Variants in KCNK2 observed in about 807,000 individuals in gnomAD.
The protein encoded by KCNK2 is potassium channel subfamily K member 2.
Under a neutral mutation model 40.5 loss-of-function variants are expected in KCNK2, and 21 were observed. That is an observed-to-expected ratio of 0.52 (90% confidence interval 0.37 to 0.75). KCNK2 has a LOEUF of 0.75. KCNK2 is among the 30% of genes least tolerant of loss of function. The pLI, the probability that KCNK2 is intolerant of heterozygous loss-of-function variation, is 0.00. For synonymous variants in KCNK2, 191 were observed against 202.2 expected (o/e 0.94, Z 0.47); for missense variants, 399 against 531.6 (o/e 0.75, Z 2.45).
At chr1:215,152,030 G>A (rs1188726001) in intron 3 of KCNK2, among the ~76,000 whole-genome samples, 2 of 152,032 alleles carry the variant, frequency 1.3e-5, no homozygotes, top group Non-Finnish European at 2.9e-5. Flanking sequence ...GAGTAGGATG[G>A]CTTTTGTTCC....
intron 3 of KCNK2, among the ~76,000 whole-genome samples, chr1:215,139,943 G>A (rs1383689866): frequency 6.6e-6 from 1 of 152,064 alleles, no homozygotes; most frequent in Non-Finnish European, 1.5e-5. Context: ...ATAGGACCAT[G>A]TTTCTTTTAC....
intron 6 of KCNK2, among the ~76,000 whole-genome samples, chr1:215,197,890 C>T (rs1163999484): frequency 1.3e-5 from 2 of 152,012 alleles, no homozygotes; most frequent in South Asian, 2.1e-4. Flanking sequence ...GTCCCAGCTA[C>T]AGTGAGAGTG....
intron 2 of KCNK2, among the ~76,000 whole-genome samples, chr1:215,103,481 T>C (rs1660307233): frequency 6.6e-6 from 1 of 152,056 alleles, no homozygotes; most frequent in South Asian, 2.1e-4. Flanking sequence ...GACTATGTAA[T>C]TATTTTATTC....
chr1:215,069,258 G>T (rs1471530531), intron 1 of KCNK2, among the ~76,000 whole-genome samples: 1 of 152,156 alleles, frequency 6.6e-6, no homozygotes, highest in East Asian at 1.9e-4. Flanking sequence ...CCGCATCCTG[G>T]TAAGGACTTT....
At chr1:215,112,338 A>C (rs1660732228) in intron 2 of KCNK2, among the ~76,000 whole-genome samples, 1 of 151,802 alleles carries the variant, frequency 6.6e-6, no homozygotes, top group Admixed American at 6.6e-5. Flanking sequence ...AAAGTGCTTA[A>C]AAAGTTAAAA....
intron 3 of KCNK2, among the ~76,000 whole-genome samples, chr1:215,156,997 G>C (rs531126571): frequency 5.2e-4 from 79 of 152,206 alleles, no homozygotes; most frequent in Admixed American, 4.4e-3. Context: ...GTTGCAGTGA[G>C]CCGAGATTGC....
At chr1:215,195,255 G>A (rs1028509995) in intron 6 of KCNK2, among the ~76,000 whole-genome samples, 163 bp downstream of exon 6, 1 of 152,076 alleles carries the variant, frequency 6.6e-6, no homozygotes, top group Non-Finnish European at 1.5e-5. Flanking sequence ...AAATATATGA[G>A]TTGTAATTTA....
chr1:215,154,653 C>T (rs1662833848), intron 3 of KCNK2, among the ~76,000 whole-genome samples: 1 of 152,076 alleles, frequency 6.6e-6, no homozygotes. Context: ...GAAATCTTTG[C>T]CCATGCCTAT....
intron 1 of KCNK2, among the ~76,000 whole-genome samples, chr1:215,035,774 T>C (rs951767542): frequency 1.3e-5 from 2 of 152,072 alleles, no homozygotes; most frequent in African/African-American, 2.4e-5. Context: ...TGCTGGTTTC[T>C]ATGGTAAGTA....
intron 1 of KCNK2, among the ~76,000 whole-genome samples, chr1:215,059,960 A>G (rs894251520): frequency 6.6e-6 from 1 of 152,232 alleles, no homozygotes; most frequent in African/African-American, 2.4e-5. Flanking sequence ...CAATGTAGAC[A>G]GATGGGCATG....
chr1:215,186,981 A>G (rs1664463595), intron 5 of KCNK2, among the ~76,000 whole-genome samples: 1 of 152,040 alleles, frequency 6.6e-6, no homozygotes, highest in African/African-American at 2.4e-5. Flanking sequence ...TTATCTTTTT[A>G]TTTTTTGAGA....
chr1:215,109,410 C>T (rs1040620832), intron 2 of KCNK2, among the ~76,000 whole-genome samples: 4 of 152,048 alleles, frequency 2.6e-5, no homozygotes, highest in African/African-American at 4.8e-5. Flanking sequence ...TCTCTACCTC[C>T]GTGGGATTTA....
chr1:215,023,198 C>T (rs1656869176), intron 1 of KCNK2, among the ~76,000 whole-genome samples: 1 of 152,078 alleles, frequency 6.6e-6, no homozygotes, highest in South Asian at 2.1e-4. Context: ...TTCTCTAAGG[C>T]TTGTTATTAT....
intron 5 of KCNK2, among the ~76,000 whole-genome samples, chr1:215,178,506 G>A (rs1664088292): frequency 6.6e-6 from 1 of 152,058 alleles, no homozygotes; most frequent in African/African-American, 2.4e-5. Context: ...GCCATAGATG[G>A]CTCTTATTAT....
At chr1:215,066,759 T>C (rs1571880715) in intron 1 of KCNK2, among the ~76,000 whole-genome samples, 1 of 152,204 alleles carries the variant, frequency 6.6e-6, no homozygotes, top group East Asian at 1.9e-4. Context: ...TCTTTTATTT[T>C]TTATAACTTC....
chr1:215,222,036 G>A (rs1447484080), intron 6 of KCNK2, among the ~76,000 whole-genome samples: 1 of 152,120 alleles, frequency 6.6e-6, no homozygotes, highest in Non-Finnish European at 1.5e-5. Flanking sequence ...GCAAAAGCAG[G>A]AGCAAGAGAG....
At chr1:215,181,935 T>C (rs1664233093) in intron 5 of KCNK2, among the ~76,000 whole-genome samples, 1 of 152,198 alleles carries the variant, frequency 6.6e-6, no homozygotes, top group African/African-American at 2.4e-5. Flanking sequence ...GCACTAGCAC[T>C]GAGGGAAAAT....
At chr1:215,069,876 G>A (rs1396112979) in intron 1 of KCNK2, among the ~76,000 whole-genome samples, 1 of 152,182 alleles carries the variant, frequency 6.6e-6, no homozygotes, top group African/African-American at 2.4e-5. Flanking sequence ...GTCCCTTGGT[G>A]TGAATTAAAA....
chr1:215,190,027 A>C (rs1169376030), intron 5 of KCNK2, among the ~76,000 whole-genome samples: 1 of 152,218 alleles, frequency 6.6e-6, no homozygotes, highest in Non-Finnish European at 1.5e-5. Flanking sequence ...GCCATTTTAG[A>C]AAATCAGAAG....
Sources: allele counts gnomAD v4.1 joint callset (sites outside exome capture counted in the v4.1 genomes callset), GRCh38; gene constraint gnomAD v4.1.1; transcripts MANE v1.5; gene names NCBI Gene and HGNC (gene_info 2026-07-23, HGNC 2026-07-21).